PTPRO: variants seen among roughly 807,000 people sequenced by gnomAD.
The protein encoded by PTPRO is receptor-type tyrosine-protein phosphatase O.
In PTPRO, 62 loss-of-function variants were observed where a neutral mutation model predicts 145.2. The observed-to-expected ratio is 0.43, with a 90% CI of 0.35 to 0.53. The LOEUF (loss-of-function observed/expected upper bound fraction) is 0.53, where lower values mean the gene tolerates loss of function less well. Among genes scored for constraint, PTPRO ranks in the 20% least tolerant of loss-of-function variants. The pLI, the probability that PTPRO is intolerant of heterozygous loss-of-function variation, is 0.01. For missense variants in PTPRO, 1,345 were observed against 1,482.7 expected (o/e 0.91, Z 1.53); for synonymous variants, 565 against 514.7 (o/e 1.10, Z -1.32).
At chr12:15,421,387 A>G (rs892337977) in intron 1 of PTPRO, among the ~76,000 whole-genome samples, 2 of 152,210 alleles carry the variant, frequency 1.3e-5, no homozygotes, top group Non-Finnish European at 2.9e-5. Context: ...AGGGAAGTAA[A>G]AAAGAGAGAA....
chr12:15,420,534 T>C (rs1940115881), intron 1 of PTPRO, among the ~76,000 whole-genome samples: 1 of 151,742 alleles, frequency 6.6e-6, no homozygotes, highest in East Asian at 1.9e-4. Flanking sequence ...CCACATTTCC[T>C]GACCAACTCA....
At chr12:15,369,374 C>T (rs1190890065) in intron 1 of PTPRO, among the ~76,000 whole-genome samples, 1 of 152,112 alleles carries the variant, frequency 6.6e-6, no homozygotes, top group Non-Finnish European at 1.5e-5. Flanking sequence ...CTTACAGATG[C>T]ATCAACAATC....
intron 1 of PTPRO, among the ~76,000 whole-genome samples, chr12:15,399,187 G>C (rs1261818880): frequency 6.6e-6 from 1 of 152,140 alleles, no homozygotes; most frequent in Non-Finnish European, 1.5e-5. Flanking sequence ...GGGGTACTTT[G>C]AGCACTACTC....
intron 1 of PTPRO, among the ~76,000 whole-genome samples, chr12:15,470,165 A>G (rs974988678): frequency 2.0e-5 from 3 of 152,204 alleles, no homozygotes; most frequent in African/African-American, 7.2e-5. Flanking sequence ...TTTGCCACCA[A>G]TTAAGTACAG....
intron 1 of PTPRO, among the ~76,000 whole-genome samples, chr12:15,351,587 A>G (rs770918259): frequency 6.6e-6 from 1 of 152,226 alleles, no homozygotes; most frequent in South Asian, 2.1e-4. Flanking sequence ...GTTTTGTACC[A>G]CTTAGAGAAA....
intron 1 of PTPRO, among the ~76,000 whole-genome samples, chr12:15,460,158 C>G (rs78688164): frequency 6.6e-6 from 1 of 152,120 alleles, no homozygotes; most frequent in Non-Finnish European, 1.5e-5. Flanking sequence ...CTAGGCTTAC[C>G]CTAGATGGCT....
chr12:15,373,268 A>C (rs1379314977), intron 1 of PTPRO, among the ~76,000 whole-genome samples: 1 of 152,198 alleles, frequency 6.6e-6, no homozygotes, highest in Non-Finnish European at 1.5e-5. Context: ...TGATGGTGAC[A>C]GCAAATTGTC....
intron 1 of PTPRO, among the ~76,000 whole-genome samples, chr12:15,455,212 C>G (rs1413142175): frequency 6.6e-6 from 1 of 152,062 alleles, no homozygotes; most frequent in Non-Finnish European, 1.5e-5. Context: ...ACCATTATAC[C>G]ACTTATACCT....
intron 1 of PTPRO, among the ~76,000 whole-genome samples, chr12:15,352,523 C>T (rs1444195194): frequency 2.0e-5 from 3 of 151,604 alleles, no homozygotes; most frequent in Admixed American, 2.0e-4. Flanking sequence ...TGGTGGCAGG[C>T]GCCTGTAGTC....
At chr12:15,349,242 A>G (rs1937709439) in intron 1 of PTPRO, among the ~76,000 whole-genome samples, 1 of 152,070 alleles carries the variant, frequency 6.6e-6, no homozygotes. Flanking sequence ...TCCTTAAGTA[A>G]TAAATACTAG....
intron 1 of PTPRO, among the ~76,000 whole-genome samples, chr12:15,340,140 C>T (rs558982444): frequency 1.3e-5 from 2 of 152,268 alleles, no homozygotes; most frequent in African/African-American, 4.8e-5. Context: ...TCATCGAATC[C>T]TTATACACTC....
chr12:15,450,304 C>T (rs1040739374), intron 1 of PTPRO, among the ~76,000 whole-genome samples: 18 of 152,304 alleles, frequency 1.2e-4, no homozygotes, highest in African/African-American at 4.1e-4. Context: ...AGACCCTCTG[C>T]CAGAAGTAGC....
Position 15,322,710 on chromosome 12 carries a change from T to G in PTPRO, c.-17T>G. On this transcript the variant is annotated 5_prime_UTR_variant, in exon 1 of 27. Coordinates refer to ENST00000281171, the MANE Select transcript of PTPRO (RefSeq NM_030667.3). The surrounding 1 kb of genome is among the most constrained non-coding windows in gnomAD (Gnocchi z 6.3). ...CCGCTAGCGCAGCCGTGCCCCCGAG[T>G]CCCCGTCCGCGCAGCGATGGGGCAC... 7 of 1,606,302 alleles carry G rather than the reference T, an allele frequency of 4.4e-6. No individual in the cohort carries two copies. The highest frequency in any genetic ancestry group is 6.0e-6 in the Non-Finnish European group (7 of 1,176,428).
intron 23 of PTPRO, 62 bp from the exon 24 acceptor site, chr12:15,586,835 C>A: frequency 6.3e-7 from 1 of 1,594,892 alleles, no homozygotes; most frequent in Non-Finnish European, 8.6e-7. Context: ...CTAGCAGAGT[C>A]CTGGGTCATC....
At chr12:15,490,135 A>G (rs1006410675) in intron 2 of PTPRO, among the ~76,000 whole-genome samples, 2 of 152,266 alleles carry the variant, frequency 1.3e-5, no homozygotes, top group African/African-American at 4.8e-5. Context: ...TCTCTCTTGT[A>G]GCAAAGCTGC....
At chr12:15,570,530 A>C (rs1235289836) in intron 19 of PTPRO, among the ~76,000 whole-genome samples, 1 of 152,194 alleles carries the variant, frequency 6.6e-6, no homozygotes, top group Non-Finnish European at 1.5e-5. Flanking sequence ...AAGACCGCTA[A>C]CTACCACCTG....
Position 15,335,360 on chromosome 12 carries a change from G to A in PTPRO, c.75+12559G>A, listed in dbSNP as rs531238233. ...TGTATTATTAAACATTGAGTCATGTGGTCATCTCTTAAAGGATTATAGAAA... is the reference window on the plus strand; with the variant it reads ...TGTATTATTAAACATTGAGTCATGTAGTCATCTCTTAAAGGATTATAGAAA... On this transcript the variant is annotated intron_variant, in intron 1 of 26. Transcript: ENST00000281171. 3.3e-5 allele frequency among the ~76,000 whole-genome samples: 5 copies of A among 151,960 alleles called. No homozygotes were observed. The South Asian group carries it at 1.0e-3, about 32-fold the overall frequency.
At chr12:15,525,801 C>T (rs369521085) in intron 11 of PTPRO, among the ~76,000 whole-genome samples, 7 of 152,098 alleles carry the variant, frequency 4.6e-5, no homozygotes, top group Admixed American at 3.3e-4. Context: ...TTCTTTTGAA[C>T]GTCTTAGAAT....
At chr12:15,481,226 G>T (rs866825658) in intron 1 of PTPRO, among the ~76,000 whole-genome samples, 32 of 152,120 alleles carry the variant, frequency 2.1e-4, no homozygotes, top group Admixed American at 3.9e-4. Context: ...ATATAGCATG[G>T]TTCATATTTT....
Sources: gnomAD v4.1 joint callset for allele counts (sites outside exome capture counted in the v4.1 genomes callset) on GRCh38, gnomAD v4.1.1 for gene constraint, Gnocchi (gnomAD v3.1) non-coding constraint, MANE v1.5 for transcripts, NCBI Gene and HGNC (gene_info 2026-07-23, HGNC 2026-07-21) for gene names.